IDUA: variants seen among roughly 807,000 people sequenced by gnomAD.
IDUA encodes the protein alpha-L-iduronidase, also known as iduronidase alpha-L-.
IDUA carries 65 observed loss-of-function variants against 68.9 expected under a neutral mutation model. The ratio of observed to expected loss-of-function variants is 0.94; its 90% CI spans 0.77 to 1.16. The LOEUF (loss-of-function observed/expected upper bound fraction) is 1.16, where lower values mean the gene tolerates loss of function less well. Ranked by LOEUF, IDUA falls within the 50% of genes most tolerant of loss-of-function variation. The pLI is 0.00. For missense variants in IDUA, 1,046 were observed against 938.0 expected (o/e 1.12, Z -1.50); for synonymous variants, 529 against 433.6 (o/e 1.22, Z -2.73).
chr4:988,950 G>A (rs746171950), intron 2 of IDUA: 19 of 1,596,144 alleles, frequency 1.2e-5, no homozygotes, highest in Middle Eastern at 1.6e-4. Flanking sequence ...GGCCCTCCCC[G>A]AGGAAGCCTC....
rs533471612 is a variant in IDUA at position 994,284 on chromosome 4, T to TA, written c.300-6328_300-6327insA. 2.0e-5 allele frequency among the ~76,000 whole-genome samples: 3 copies of TA among 151,948 alleles called. No individual in the cohort carries two copies. The South Asian group carries it at 6.3e-4, about 32-fold the overall frequency. On this transcript the variant is annotated intron_variant, in intron 2 of 13. Coordinates refer to ENST00000514224, the MANE Select transcript of IDUA (RefSeq NM_000203.5). Reference sequence around the variant, plus strand: ...GTGAGACGCCCCCCACCTTTTCTTTTTTTTTTTTTGAGGCGGAGTCTTGCT... The same window carrying TA: ...GTGAGACGCCCCCCACCTTTTCTTTTATTTTTTTTTGAGGCGGAGTCTTGCT...
At chr4:988,048 A>C (rs1577509507) in intron 2 of IDUA, 99 bp downstream of exon 2, 2 of 1,474,952 alleles carry the variant, frequency 1.4e-6, no homozygotes, top group Non-Finnish European at 9.0e-7. Context: ...TTGTTCCCCC[A>C]CCTCCCGCCG....
chr4:995,326 A>G (rs1300947604), intron 2 of IDUA, among the ~76,000 whole-genome samples: 4 of 151,212 alleles, frequency 2.6e-5, no homozygotes, highest in Non-Finnish European at 5.9e-5. Flanking sequence ...TACAGGCGTG[A>G]GCCACCGTGC....
chr4:993,489 G>A (rs79930001), intron 2 of IDUA: 3 of 152,288 alleles, frequency 2.0e-5, no homozygotes, highest in Admixed American at 2.0e-4. Flanking sequence ...GCTGAGTCAT[G>A]GGTTTCTCCA....
rs763113650 is a variant in IDUA at position 991,457 on chromosome 4, G to A, written c.299+3508G>A. ...GAGTAGGCGATGGCCTGCGGCACCA[G>A]GATGATGCCGATGACCAGCCCAGAC... On this transcript the variant is annotated intron_variant, in intron 2 of 13. Transcript: ENST00000514224. 11 of 1,612,556 alleles carry A rather than the reference G, an allele frequency of 6.8e-6. No homozygotes were observed. The highest frequency in any genetic ancestry group is 9.3e-6 in the Non-Finnish European group (11 of 1,179,858).
chr4:1,001,146 G>A (rs1715047596), intron 4 of IDUA, 157 bp downstream of exon 4: 3 of 660,090 alleles, frequency 4.5e-6, no homozygotes. Flanking sequence ...TAGGTTGGTG[G>A]TCGGCGCAGG....
At chr4:991,823 C>T in intron 2 of IDUA, 1 of 1,533,000 alleles carries the variant, frequency 6.5e-7, no homozygotes, top group Non-Finnish European at 8.7e-7. Context: ...TGGGGCGGAC[C>T]CCTCGCCCAC....
intron 2 of IDUA, among the ~76,000 whole-genome samples, chr4:993,952 G>A (rs1714568608): frequency 6.6e-6 from 1 of 152,244 alleles, no homozygotes; most frequent in Admixed American, 6.5e-5. Context: ...GCCGTGACTG[G>A]CCAGGAGTCC....
rs540339517 is a variant in IDUA, at chr4:993,841, G to A, written c.299+5892G>A. Among the ~76,000 whole-genome samples, 7 of 152,316 alleles carry A rather than the reference G, an allele frequency of 4.6e-5. No homozygotes were observed. The East Asian group carries it at 1.4e-3, about 29-fold the overall frequency. The stretch of plus-strand genomic sequence containing the variant: ...TGGAGCAGGGCAGAGGCTGACAGCC[G>A]GCTCAGCCCAAGGCTGCCGGTGCGT... On this transcript the variant is annotated intron_variant, in intron 2 of 13. Coordinates refer to ENST00000514224, the MANE Select transcript of IDUA (RefSeq NM_000203.5).
chr4:990,515 C>G (rs193201919), intron 2 of IDUA: 8 of 735,116 alleles, frequency 1.1e-5, no homozygotes, highest in Non-Finnish European at 1.7e-5. Flanking sequence ...ACTCCTCACA[C>G]GGGCCTGAGT....
In IDUA at chr4:991,364, G is replaced by A. The variant is rs751317363; in HGVS notation, c.299+3415G>A. ...GAGACATGCCGTGAGGTGCCCATGA[G>A]GAAGTAGATGAGGTTGGCGAAGAAG... is the stretch of plus-strand genomic sequence containing the variant. On this transcript the variant is annotated intron_variant, in intron 2 of 13. Coordinates refer to ENST00000514224, the MANE Select transcript of IDUA (RefSeq NM_000203.5). 4 of 1,612,894 alleles carry A rather than the reference G, an allele frequency of 2.5e-6. No individual in the cohort carries two copies. The highest frequency in any genetic ancestry group is 3.4e-6 in the Non-Finnish European group (4 of 1,179,960).
intron 2 of IDUA, chr4:990,289 A>C (rs1300501994): frequency 6.2e-7 from 1 of 1,603,252 alleles, no homozygotes; most frequent in Non-Finnish European, 8.5e-7. Context: ...GGAGGCCCCC[A>C]TGGCAAAGCC....
At chr4:992,579 TGGGACG>T in intron 2 of IDUA, 13 of 213,898 alleles carry the variant, frequency 6.1e-5, no homozygotes, top group Admixed American at 1.2e-4. Flanking sequence ...CAGACAGTTC[TGGGACG>T]TGAGGCGCCC....
At chr4:994,764 T>A (rs960743265) in intron 2 of IDUA, among the ~76,000 whole-genome samples, 17 of 151,486 alleles carry the variant, frequency 1.1e-4, no homozygotes, top group Middle Eastern at 6.8e-3. Flanking sequence ...CTTTAAAAAA[T>A]TAAAAGTAAA....
At chr4:987,380 G>A in intron 1 of IDUA, 138 bp downstream of exon 1, 1 of 909,512 alleles carries the variant, frequency 1.1e-6, no homozygotes. Context: ...GCCCCCCGCC[G>A]TGTTTGTGGG....
intron 2 of IDUA, chr4:1,000,152 C>G (rs1300639128): frequency 8.8e-6 from 2 of 227,574 alleles, no homozygotes; most frequent in Non-Finnish European, 1.8e-5. Context: ...AGCCCATCTG[C>G]AAGTGCAGTG....
chr4:1,002,105 T>C lies in IDUA; in HGVS notation c.916T>C (p.Trp306Arg). The C allele has an allele frequency of 6.4e-7, 1 of 1,573,096 alleles. No homozygotes were observed. Among genetic ancestry groups the C allele is most frequent in the Non-Finnish European group, 8.6e-7 (1 of 1,160,276 alleles). The change falls in exon 7 of 14, where the codon TGG becomes CGG. Residue 306 changes from tryptophan (W) to arginine (R), a missense_variant. Transcript: ENST00000514224. ...YNDEADPLVG[W>R]SLPQPWRADV... ...CGACGAGGCGGACCCGCTGGTGGGC[T>C]GGTCCCTGCCACAGCCGTGGAGGGC...
At chr4:995,375 T>C (rs11248063) in intron 2 of IDUA, among the ~76,000 whole-genome samples, 20,632 of 151,336 alleles carry the variant, frequency 0.14, 1,529 homozygotes, top group South Asian at 0.22. Context: ...AAAAATTCCT[T>C]GGGAGCCTCA....
intron 2 of IDUA, chr4:991,228 C>CT (rs1714281704): frequency 6.2e-7 from 1 of 1,610,922 alleles, no homozygotes; most frequent in Non-Finnish European, 8.5e-7. Flanking sequence ...GAGGGTGCTG[C>CT]TGTTGGCTCC....
Sources: gnomAD v4.1 joint callset for allele counts (sites outside exome capture counted in the v4.1 genomes callset) on GRCh38, gnomAD v4.1.1 for gene constraint, MANE v1.5 for transcripts, NCBI Gene and HGNC (gene_info 2026-07-23, HGNC 2026-07-21) for gene names.